CACNA1E: variants seen among roughly 807,000 people sequenced by gnomAD.
CACNA1E encodes voltage-dependent R-type calcium channel subunit alpha-1E.
A neutral mutation model predicts 259.2 loss-of-function variants in CACNA1E; 40 were observed. The ratio of observed to expected loss-of-function variants is 0.15; its 90% CI spans 0.12 to 0.20. CACNA1E has a LOEUF of 0.20. Among genes scored for constraint, CACNA1E ranks in the 10% least tolerant of loss-of-function variants. The pLI, the probability that CACNA1E is intolerant of heterozygous loss-of-function variation, is 1.00. For synonymous variants in CACNA1E, 1,104 were observed against 1,138.5 expected (o/e 0.97, Z 0.61); for missense variants, 1,874 against 3,040.1 (o/e 0.62, Z 9.02).
chr1:181,616,853 C>A (rs2103139267), intron 6 of CACNA1E, among the ~76,000 whole-genome samples: 1 of 152,264 alleles, frequency 6.6e-6, no homozygotes, highest in African/African-American at 2.4e-5. Flanking sequence ...GATTTAATTT[C>A]TTTGAAAGAG....
intron 1 of CACNA1E, among the ~76,000 whole-genome samples, chr1:181,361,523 TGG>T (rs1416407491): frequency 6.6e-6 from 1 of 151,996 alleles, no homozygotes; most frequent in African/African-American, 2.4e-5. Flanking sequence ...GAAGATGGAG[TGG>T]TTGCTAGAGG....
intron 44 of CACNA1E, among the ~76,000 whole-genome samples, chr1:181,792,408 C>T (rs1045199602): frequency 7.9e-5 from 12 of 152,212 alleles, no homozygotes; most frequent in African/African-American, 2.2e-4. Context: ...TGTCCCCAGG[C>T]GTGGCCATGA....
chr1:181,769,329 G>A (rs1659289017), intron 35 of CACNA1E, among the ~76,000 whole-genome samples: 1 of 145,800 alleles, frequency 6.9e-6, no homozygotes, highest in African/African-American at 2.5e-5. Flanking sequence ...TTAAGTTAGT[G>A]ACAAGGACTA....
chr1:181,431,060 A>G (rs920489754), intron 2 of CACNA1E, among the ~76,000 whole-genome samples: 2 of 152,238 alleles, frequency 1.3e-5, no homozygotes, highest in Admixed American at 6.5e-5. Flanking sequence ...AAATAGAAAA[A>G]TGATATTCCA....
rs528310388 is a variant in CACNA1E, at chr1:181,667,435, C to A, written c.1055+15994C>A. On this transcript the variant is annotated intron_variant, in intron 7 of 47. Coordinates refer to ENST00000367573, the MANE Select transcript of CACNA1E (RefSeq NM_001205293.3). The stretch of plus-strand genomic sequence containing the variant: ...ATAGAAGAAGAAAAAAGCTCTTATT[C>A]TGAGAGAAAGGTTTGTTTAATTTTA... 3.2e-4 allele frequency among the ~76,000 whole-genome samples: 48 copies of A among 152,144 alleles called. 1 individual carries two copies. Among genetic ancestry groups the A allele is most frequent in the African/African-American group, 1.1e-3 (47 of 41,530 alleles).
intron 7 of CACNA1E, among the ~76,000 whole-genome samples, chr1:181,667,609 G>T (rs1203390972): frequency 6.6e-6 from 1 of 152,044 alleles, no homozygotes; most frequent in Non-Finnish European, 1.5e-5. Context: ...ATCCATGGAG[G>T]GGAGGTAGAG....
At chr1:181,782,021 G>T (rs3767020) in intron 39 of CACNA1E, among the ~76,000 whole-genome samples, 1 of 152,128 alleles carries the variant, frequency 6.6e-6, no homozygotes, top group African/African-American at 2.4e-5. Flanking sequence ...TAGGAGAGAG[G>T]AAAACTCATA....
At chr1:181,751,928 C>T (rs560079026) in intron 26 of CACNA1E, 9 of 678,066 alleles carry the variant, frequency 1.3e-5, no homozygotes, top group South Asian at 1.2e-4. Flanking sequence ...GATGTGTGTT[C>T]ATGCGTGCAC....
chr1:181,770,117 G>A (rs1234039201), intron 35 of CACNA1E, among the ~76,000 whole-genome samples: 3 of 152,136 alleles, frequency 2.0e-5, no homozygotes, highest in Admixed American at 2.0e-4. Context: ...GGCAGAGATT[G>A]TTCCTCAATT....
chr1:181,430,521 C>A (rs114863506), intron 2 of CACNA1E, among the ~76,000 whole-genome samples: 1,820 of 152,296 alleles, frequency 0.012, 16 homozygotes, highest in Non-Finnish European at 0.018. Flanking sequence ...CCCCACCTCC[C>A]TGTGCAAGTT....
At chr1:181,338,199 C>T (rs1415441650) in intron 1 of CACNA1E, among the ~76,000 whole-genome samples, 1 of 152,172 alleles carries the variant, frequency 6.6e-6, no homozygotes, top group Non-Finnish European at 1.5e-5. Flanking sequence ...GATTCTCCTG[C>T]CTCAGGCTAA....
chr1:181,522,002 G>A (rs1667027631), intron 3 of CACNA1E, among the ~76,000 whole-genome samples: 1 of 152,190 alleles, frequency 6.6e-6, no homozygotes, highest in South Asian at 2.1e-4. Context: ...GCATGTCCAG[G>A]CATGTTCAGT....
intron 3 of CACNA1E, among the ~76,000 whole-genome samples, chr1:181,537,105 T>TC (rs1668233414): frequency 8.1e-6 from 1 of 123,046 alleles, no homozygotes; most frequent in Non-Finnish European, 1.8e-5. Flanking sequence ...CTTTTTTTTT[T>TC]TTTTTTTTTT....
intron 38 of CACNA1E, chr1:181,779,607 C>T (rs552260975): frequency 2.8e-6 from 1 of 357,986 alleles, no homozygotes; most frequent in East Asian, 7.9e-5. Context: ...TCTCTGTCCT[C>T]TGCTCCACCA....
At chr1:181,767,642 T>C (rs1281858929) in intron 35 of CACNA1E, among the ~76,000 whole-genome samples, 2 of 152,260 alleles carry the variant, frequency 1.3e-5, no homozygotes, top group African/African-American at 2.4e-5. Context: ...CCTGTACTTC[T>C]TGGTTTCATT....
chr1:181,498,567 C>T (rs970006684), intron 1 of CACNA1E, among the ~76,000 whole-genome samples: 1 of 152,192 alleles, frequency 6.6e-6, no homozygotes, highest in African/African-American at 2.4e-5. Flanking sequence ...CATGTATGCT[C>T]TTTCTTTCTC....
intron 7 of CACNA1E, among the ~76,000 whole-genome samples, chr1:181,687,026 T>C (rs541489930): frequency 6.6e-6 from 1 of 152,118 alleles, no homozygotes; most frequent in Admixed American, 6.5e-5. Flanking sequence ...GAAATGTGAT[T>C]GATGTGATTG....
chr1:181,639,052 T>C (rs1432203363), intron 6 of CACNA1E, among the ~76,000 whole-genome samples: 1 of 152,154 alleles, frequency 6.6e-6, no homozygotes, highest in Non-Finnish European at 1.5e-5. Flanking sequence ...ATGTATGCTA[T>C]GCACCTGGTC....
intron 1 of CACNA1E, among the ~76,000 whole-genome samples, chr1:181,397,813 T>TC (rs1328300167): frequency 6.6e-6 from 1 of 152,196 alleles, no homozygotes; most frequent in Non-Finnish European, 1.5e-5. Flanking sequence ...CTTCTTGTAC[T>TC]CCAGTCAGTT....
Sources: gnomAD v4.1 joint callset for allele counts (sites outside exome capture counted in the v4.1 genomes callset) on GRCh38, gnomAD v4.1.1 for gene constraint, MANE v1.5 for transcripts, NCBI Gene and HGNC (gene_info 2026-07-23, HGNC 2026-07-21) for gene names.